The following THSD7B variants were observed in gnomAD, a reference collection of about 807,000 sequenced individuals.
THSD7B encodes thrombospondin type-1 domain-containing protein 7B.
Under a neutral mutation model 213.6 loss-of-function variants are expected in THSD7B, and 138 were observed. That is an observed-to-expected ratio of 0.65 (90% CI 0.56 to 0.74). The LOEUF is 0.74. Ranked by LOEUF, THSD7B falls within the 30% of genes least tolerant of loss-of-function variation. The probability of loss-of-function intolerance (pLI) is 0.00; values close to 1 mark genes in which losing one functional copy is unlikely to be tolerated. For missense variants in THSD7B, 1,931 were observed against 1,991.5 expected (o/e 0.97, Z 0.58); for synonymous variants, 742 against 687.0 (o/e 1.08, Z -1.25).
chr2:136,901,404 A>G (rs551887261), intron 2 of THSD7B, among the ~76,000 whole-genome samples: 3 of 152,354 alleles, frequency 2.0e-5, no homozygotes, highest in African/African-American at 7.2e-5. Context: ...TTAAAAATAT[A>G]TTATTTCCTT....
chr2:137,648,587 T>C (rs1300034161), intron 21 of THSD7B, among the ~76,000 whole-genome samples: 2 of 152,194 alleles, frequency 1.3e-5, no homozygotes, highest in Admixed American at 1.3e-4. Flanking sequence ...AATAGTCCAT[T>C]TGTATACATT....
chr2:137,307,457 C>A (rs1683781721), intron 12 of THSD7B, among the ~76,000 whole-genome samples: 1 of 152,066 alleles, frequency 6.6e-6, no homozygotes, highest in Non-Finnish European at 1.5e-5. Flanking sequence ...GGCTGTGAAT[C>A]AATACGAATT....
At chr2:136,947,516 AAG>A (rs1170481694) in intron 2 of THSD7B, among the ~76,000 whole-genome samples, 1 of 152,184 alleles carries the variant, frequency 6.6e-6, no homozygotes, top group Non-Finnish European at 1.5e-5. Context: ...CCCTGGAGGA[AAG>A]AGAGCTTAAA....
intron 2 of THSD7B, among the ~76,000 whole-genome samples, chr2:137,035,062 A>G (rs1246541675): frequency 6.6e-6 from 1 of 152,194 alleles, no homozygotes; most frequent in Non-Finnish European, 1.5e-5. Context: ...ACAACGTGCT[A>G]CAATGTTGTC....
At chr2:137,262,678 T>A (rs1174772315) in intron 10 of THSD7B, among the ~76,000 whole-genome samples, 1 of 152,218 alleles carries the variant, frequency 6.6e-6, no homozygotes, top group Non-Finnish European at 1.5e-5. Flanking sequence ...TTGTTTTCTA[T>A]TGCTTGGTTA....
At chr2:136,955,456 T>C (rs1288380876) in intron 2 of THSD7B, among the ~76,000 whole-genome samples, 2 of 152,174 alleles carry the variant, frequency 1.3e-5, no homozygotes, top group Non-Finnish European at 1.5e-5. Flanking sequence ...TAATAATAGC[T>C]TCTCATGCTC....
chr2:136,781,267 ATTTT>A (rs10687137), intron 1 of THSD7B, among the ~76,000 whole-genome samples: 1 of 125,792 alleles, frequency 7.9e-6, no homozygotes, highest in Non-Finnish European at 1.6e-5. Flanking sequence ...TACCAGTTCT[ATTTT>A]TTTTTTTTTT....
intron 1 of THSD7B, among the ~76,000 whole-genome samples, chr2:136,774,260 T>A (rs2558096): frequency 6.6e-6 from 1 of 151,770 alleles, no homozygotes; most frequent in Non-Finnish European, 1.5e-5. Flanking sequence ...ATATTTCTCA[T>A]CCCTCTTTTA....
chr2:137,337,104 A>T (rs1558762489), intron 12 of THSD7B, among the ~76,000 whole-genome samples: 1 of 151,650 alleles, frequency 6.6e-6, no homozygotes, highest in Non-Finnish European at 1.5e-5. Context: ...TAGATACCTA[A>T]TAATAATACC....
At chr2:136,812,899 A>G in intron 1 of THSD7B, among the ~76,000 whole-genome samples, 1 of 152,198 alleles carries the variant, frequency 6.6e-6, no homozygotes. Context: ...CTGAAAATGC[A>G]TTATTTTTGC....
At chr2:137,282,811 TGTA>T (rs1683060712) in intron 12 of THSD7B, among the ~76,000 whole-genome samples, 1 of 152,206 alleles carries the variant, frequency 6.6e-6, no homozygotes, top group Non-Finnish European at 1.5e-5. Flanking sequence ...ACTGTAGCCT[TGTA>T]GTATAGTTTG....
chr2:137,665,304 T>C lies in THSD7B; in HGVS notation c.4651+1729T>C, dbSNP rs528469676. Reference sequence around the variant, plus strand: ...CCACAAGTAAGCCCTTAACCTTTTATCCATGGATGGAATTTGGAGATCTAA... The same window carrying C: ...CCACAAGTAAGCCCTTAACCTTTTACCCATGGATGGAATTTGGAGATCTAA... On this transcript the variant is annotated intron_variant, in intron 26 of 27. Transcript: ENST00000409968. 3.9e-5 allele frequency among the ~76,000 whole-genome samples: 6 copies of C among 152,302 alleles called. No individual in the cohort carries two copies. The East Asian group carries it at 1.2e-3, about 29-fold the overall frequency.
Position 137,072,255 on chromosome 2 carries a change from C to T in THSD7B, c.950+15025C>T, listed in dbSNP as rs1157481195. ...TACCCATGAGCATGCATTGTTCTTC[C>T]GTTTCTTTGTATCCTCTTTTATTTC... is the stretch of plus-strand genomic sequence containing the variant. On this transcript the variant is annotated intron_variant, in intron 3 of 27. Coordinates refer to ENST00000409968, the MANE Select transcript of THSD7B (RefSeq NM_001316349.2). Among the ~76,000 whole-genome samples the T allele has an allele frequency of 3.3e-5, 5 of 152,232 alleles. No individual in the cohort carries two copies. In the East Asian group the frequency reaches 7.7e-4, roughly 24 times the overall value.
At chr2:137,132,001 C>G (rs1465728658) in intron 5 of THSD7B, among the ~76,000 whole-genome samples, 1 of 150,470 alleles carries the variant, frequency 6.6e-6, no homozygotes. Context: ...ATTGATTCTT[C>G]CTACCCATGA....
chr2:136,895,083 C>T (rs1422303539), intron 2 of THSD7B, among the ~76,000 whole-genome samples: 1 of 152,172 alleles, frequency 6.6e-6, no homozygotes, highest in East Asian at 1.9e-4. Flanking sequence ...TCAGACTTAA[C>T]ATGAGGAAAA....
intron 1 of THSD7B, among the ~76,000 whole-genome samples, chr2:136,875,812 A>G (rs1421376811): frequency 6.6e-6 from 1 of 152,240 alleles, no homozygotes; most frequent in Non-Finnish European, 1.5e-5. Context: ...GTGCTAAGAC[A>G]ATGTTAATGT....
Position 137,508,543 on chromosome 2 carries a change from A to ATTT in THSD7B, c.3139-54663_3139-54661dup, listed in dbSNP as rs70978232. Among the ~76,000 whole-genome samples, 293 of 132,370 alleles carry ATTT rather than the reference A, an allele frequency of 2.2e-3. 2 individuals carry two copies. The highest frequency in any genetic ancestry group is 7.4e-3 in the African/African-American group (262 of 35,310). The allele number at this position is 132,370 out of a possible 152,430, so 86.8% of individuals were successfully genotyped here. ...AGGCGCCTGCCACCATGCCCGGCTA[A>ATTT]TTTTTTTTTTTTTTTTTGTATTTTT... is the stretch of plus-strand genomic sequence containing the variant. On this transcript the variant is annotated intron_variant, in intron 15 of 27. Transcript: ENST00000409968.
chr2:137,342,028 A>G (rs1387703378), intron 12 of THSD7B, among the ~76,000 whole-genome samples: 1 of 151,574 alleles, frequency 6.6e-6, no homozygotes, highest in East Asian at 1.9e-4. Flanking sequence ...GCCTATATGA[A>G]ATGACATTGA....
chr2:136,797,839 T>C (rs1392905733), intron 1 of THSD7B, among the ~76,000 whole-genome samples: 2 of 151,976 alleles, frequency 1.3e-5, no homozygotes, highest in African/African-American at 4.8e-5. Flanking sequence ...CTTACAGTTA[T>C]TTAACATCAA....
Sources: gnomAD v4.1 joint callset for allele counts (sites outside exome capture counted in the v4.1 genomes callset) on GRCh38, gnomAD v4.1.1 for gene constraint, MANE v1.5 for transcripts, NCBI Gene and HGNC (gene_info 2026-07-23, HGNC 2026-07-21) for gene names.